The following MYO5A variants were observed in gnomAD, a reference collection of about 807,000 sequenced individuals.
MYO5A encodes the protein myosin VA.
A neutral mutation model predicts 249.7 loss-of-function variants in MYO5A; 98 were observed. The observed-to-expected ratio is 0.39, with a 90% CI of 0.33 to 0.46. The LOEUF (loss-of-function observed/expected upper bound fraction) is 0.46. Ranked by LOEUF, MYO5A falls within the 20% of genes least tolerant of loss-of-function variation. The pLI is 0.98. For missense variants in MYO5A, 1,696 were observed against 2,308.8 expected (o/e 0.73, Z 5.44); for synonymous variants, 778 against 810.6 (o/e 0.96, Z 0.68).
In MYO5A at chr15:52,359,948, G is replaced by T; in HGVS notation, c.3423+20C>A. The T allele has an allele frequency of 2.0e-6, 3 of 1,534,374 alleles. No individual in the cohort carries two copies. In the South Asian group the frequency reaches 3.4e-5, roughly 17 times the overall value. On this transcript the variant is annotated intron_variant, in intron 25 of 41. Transcript: ENST00000399233. ...AGCATGCTCATATCCTACTTTCAGT[G>T]ACAGATGTCTAAACTGTACCTCTGT...
chr15:52,507,293 G>A (rs752323923), intron 1 of MYO5A, among the ~76,000 whole-genome samples: 3 of 152,130 alleles, frequency 2.0e-5, no homozygotes, highest in African/African-American at 7.2e-5. Context: ...AAAAGCCCTC[G>A]TTTAGAATAC....
rs1229316933 is a variant in MYO5A, at chr15:52,308,216, A to G, written c.*5480T>C. On this transcript the variant is annotated 3_prime_UTR_variant, in exon 42 of 42. Transcript: ENST00000399233. Reference sequence around the variant, plus strand: ...TAAGTTAAGCTAACGAACATTTTAGATAGACCAAATTACAAATAAAAAAAG... The same window carrying G: ...TAAGTTAAGCTAACGAACATTTTAGGTAGACCAAATTACAAATAAAAAAAG... 1 of 152,238 alleles carries G rather than the reference A, an allele frequency of 6.6e-6. No individual in the cohort carries two copies. Among genetic ancestry groups the G allele is most frequent in the African/African-American group, 2.4e-5 (1 of 41,462 alleles). The allele number at this position is 152,238 out of a possible 1,614,324, so 9.4% of individuals were successfully genotyped here.
At chr15:52,368,857 G>C (rs1043624283) in intron 22 of MYO5A, among the ~76,000 whole-genome samples, 30 of 152,178 alleles carry the variant, frequency 2.0e-4, no homozygotes, top group African/African-American at 6.8e-4. Context: ...GCAAGAACTT[G>C]GCTTTGAAAA....
chr15:52,424,163 T>C (rs1001067716), intron 4 of MYO5A, among the ~76,000 whole-genome samples: 1 of 152,220 alleles, frequency 6.6e-6, no homozygotes, highest in Non-Finnish European at 1.5e-5. Flanking sequence ...TACCAATAGA[T>C]GGAATTTTCT....
rs1177069098 is a variant in MYO5A, at chr15:52,527,277, A to T, written c.27+1503T>A. On this transcript the variant is annotated intron_variant, in intron 1 of 41. Coordinates refer to ENST00000399233, the MANE Select transcript of MYO5A (RefSeq NM_001382347.1). ...AGTTCCTTATGAGGATTATGAGTTC[A>T]TATTTTTAAAACGCTTAAAACAGTA... Among the ~76,000 whole-genome samples the T allele has an allele frequency of 2.6e-5, 4 of 152,250 alleles. No homozygotes were observed. In the East Asian group the frequency reaches 7.7e-4, roughly 29 times the overall value.
intron 1 of MYO5A, among the ~76,000 whole-genome samples, chr15:52,494,009 C>T (rs531237635): frequency 1.3e-5 from 2 of 152,336 alleles, no homozygotes; most frequent in South Asian, 4.1e-4. Context: ...CAGCAAGCTT[C>T]ACTGCCTGGC....
At chr15:52,478,457 C>T (rs189566046) in intron 1 of MYO5A, among the ~76,000 whole-genome samples, 22 of 152,266 alleles carry the variant, frequency 1.4e-4, no homozygotes, top group Admixed American at 5.2e-4. Flanking sequence ...GAGATGAACC[C>T]GGTACCTCAG....
chr15:52,505,589 C>T, intron 1 of MYO5A: 1 of 1,510,432 alleles, frequency 6.6e-7, no homozygotes, highest in Non-Finnish European at 9.2e-7. Flanking sequence ...GCCAAAAAAC[C>T]TGCACTTGTT....
intron 1 of MYO5A, among the ~76,000 whole-genome samples, chr15:52,484,060 G>A (rs575216346): frequency 6.6e-6 from 1 of 152,294 alleles, no homozygotes; most frequent in African/African-American, 2.4e-5. Flanking sequence ...CACTGGAATT[G>A]TTGAGCTCTG....
chr15:52,326,794 C>T (rs1026247741), intron 36 of MYO5A, among the ~76,000 whole-genome samples: 1 of 152,178 alleles, frequency 6.6e-6, no homozygotes, highest in Non-Finnish European at 1.5e-5. Context: ...TGTTGACTAT[C>T]CACTTATCTT....
chr15:52,520,774 AT>A (rs1354970595), intron 1 of MYO5A, among the ~76,000 whole-genome samples: 2 of 152,224 alleles, frequency 1.3e-5, no homozygotes, highest in Non-Finnish European at 2.9e-5. Flanking sequence ...ACCTCAGCTA[AT>A]ACCATAACTT....
chr15:52,462,768 A>C (rs1412693828), intron 1 of MYO5A, among the ~76,000 whole-genome samples: 1 of 152,078 alleles, frequency 6.6e-6, no homozygotes, highest in Non-Finnish European at 1.5e-5. Flanking sequence ...TAATCTCTTG[A>C]ACCCTGGAGG....
chr15:52,470,113 T>C (rs887623477), intron 1 of MYO5A, among the ~76,000 whole-genome samples: 2 of 152,240 alleles, frequency 1.3e-5, no homozygotes, highest in African/African-American at 4.8e-5. Context: ...GCACCTTCAA[T>C]GGTGTAATCC....
At chr15:52,349,714 G>C (rs1028826663) in intron 28 of MYO5A, among the ~76,000 whole-genome samples, 3 of 151,896 alleles carry the variant, frequency 2.0e-5, no homozygotes, top group South Asian at 2.1e-4. Flanking sequence ...ATTTTTTTAA[G>C]AAAGAATACT....
At chr15:52,483,775 T>C (rs992522876) in intron 1 of MYO5A, among the ~76,000 whole-genome samples, 2 of 152,238 alleles carry the variant, frequency 1.3e-5, no homozygotes, top group East Asian at 1.9e-4. Flanking sequence ...CTTATGGCTA[T>C]GTCCACACCC....
In MYO5A at chr15:52,327,995, G is replaced by A. The variant is rs377479179; in HGVS notation, c.4567C>T (p.Arg1523Cys). 5.6e-6 allele frequency: 9 copies of A among 1,612,978 alleles called. No individual in the cohort carries two copies. Among genetic ancestry groups the A allele is most frequent in the African/African-American group, 1.3e-5 (1 of 74,852 alleles). ...VKNLILELKP[R>C]GVAVNLIPGL... ...GGAATCAAATTGACTGCTACACCAC[G>A]TGGCTTCAGTTCTAAAAAAGAAAAA... Residue 1523 changes from arginine to cysteine, a missense_variant, in exon 36 of 42, where the codon CGT becomes TGT. Arg to Cys is a radical substitution (Grantham distance 180). Transcript: ENST00000399233.
chr15:52,502,537 C>A (rs905042347), intron 1 of MYO5A, among the ~76,000 whole-genome samples: 1 of 152,188 alleles, frequency 6.6e-6, no homozygotes, highest in Non-Finnish European at 1.5e-5. Context: ...TCACTCCAAA[C>A]CAGAAATAAT....
chr15:52,506,013 A>G (rs931996314), intron 1 of MYO5A, among the ~76,000 whole-genome samples: 6 of 152,122 alleles, frequency 3.9e-5, no homozygotes, highest in African/African-American at 1.4e-4. Context: ...CAGGAGTTCG[A>G]GACCAGCCTG....
At chr15:52,405,431 A>G (rs776499185) in intron 8 of MYO5A, 38 bp from the exon 9 acceptor site, 15 of 1,451,536 alleles carry the variant, frequency 1.0e-5, no homozygotes, top group Non-Finnish European at 1.4e-5. Context: ...GATTAATTTC[A>G]GAATAGAAAC....
Sources: allele counts gnomAD v4.1 joint callset (sites outside exome capture counted in the v4.1 genomes callset), GRCh38; gene constraint gnomAD v4.1.1; transcripts MANE v1.5; gene names NCBI Gene and HGNC (gene_info 2026-07-23, HGNC 2026-07-21).